Variants in LONP2 observed in about 807,000 individuals in gnomAD.
The protein encoded by LONP2 is lon peptidase 2, peroxisomal, also known as lon protease homolog 2, peroxisomal.
In LONP2, 60 loss-of-function variants were observed where a neutral mutation model predicts 85.6. The observed-to-expected ratio is 0.70, with a 90% CI of 0.57 to 0.87. The LOEUF is 0.87. Among genes scored for constraint, LONP2 ranks in the 40% least tolerant of loss-of-function variants. LONP2 has a pLI of 0.00. For synonymous variants in LONP2, 395 were observed against 389.7 expected (o/e 1.01, Z -0.16); for missense variants, 860 against 1,063.5 (o/e 0.81, Z 2.66).
rs1374014819 is a variant in LONP2 at position 48,352,007 on chromosome 16, TGTC to T, written c.*206_*208del. 22 of 583,102 alleles carry T rather than the reference TGTC, an allele frequency of 3.8e-5. No homozygotes were observed. The highest frequency in any genetic ancestry group is 4.5e-5 in the Non-Finnish European group (15 of 330,280). 36.1% of individuals were successfully genotyped at this position (583,102 alleles called of 1,614,324 possible). On this transcript the variant is annotated 3_prime_UTR_variant, in exon 15 of 15. Transcript: ENST00000285737. ...AGTAAACTGATAAAAATCGAATTCT[TGTC>T]TTTTTAGTGGGATCCTTACTGTCCC...
At chr16:48,336,017 G>A (rs1269442757) in intron 12 of LONP2, among the ~76,000 whole-genome samples, 2 of 152,184 alleles carry the variant, frequency 1.3e-5, no homozygotes, top group Non-Finnish European at 2.9e-5. Context: ...GACGCAAACA[G>A]GTTTTGACTC....
chr16:48,320,741 T>C (rs1402811844), intron 11 of LONP2, among the ~76,000 whole-genome samples: 1 of 152,194 alleles, frequency 6.6e-6, no homozygotes, highest in Non-Finnish European at 1.5e-5. Flanking sequence ...TTTACTGATT[T>C]ATCCCTCATC....
intron 9 of LONP2, 69 bp from the exon 10 acceptor site, chr16:48,299,593 A>AG: frequency 1.3e-6 from 2 of 1,538,150 alleles, no homozygotes; most frequent in Non-Finnish European, 1.8e-6. Context: ...AAAAAAAAAA[A>AG]CAAAAAACAA....
intron 11 of LONP2, among the ~76,000 whole-genome samples, chr16:48,307,647 G>T (rs935515329): frequency 6.6e-6 from 1 of 151,242 alleles, no homozygotes; most frequent in Non-Finnish European, 1.5e-5. Flanking sequence ...AAAGAACCTG[G>T]GTAGATACTA....
At chr16:48,347,775 G>C (rs984208850) in intron 13 of LONP2, 61 bp downstream of exon 13, 2 of 1,483,030 alleles carry the variant, frequency 1.3e-6, no homozygotes, top group Non-Finnish European at 1.8e-6. Context: ...CCATGGCGGA[G>C]ACTGGCATGA....
intron 11 of LONP2, among the ~76,000 whole-genome samples, chr16:48,330,068 C>T (rs1404450395): frequency 3.3e-5 from 5 of 152,368 alleles, no homozygotes; most frequent in African/African-American, 7.2e-5. Context: ...GTTTATACTT[C>T]TGTAAGCAAC....
chr16:48,291,273 T>C (rs1972552141), intron 8 of LONP2, among the ~76,000 whole-genome samples: 1 of 152,208 alleles, frequency 6.6e-6, no homozygotes, highest in Non-Finnish European at 1.5e-5. Flanking sequence ...TGAAGCAGAT[T>C]CCAGACATCA....
chr16:48,266,318 T>G (rs916495045), intron 6 of LONP2, among the ~76,000 whole-genome samples: 4 of 151,640 alleles, frequency 2.6e-5, no homozygotes, highest in African/African-American at 9.7e-5. Flanking sequence ...AATTTCTCTT[T>G]GGAGAAAGGT....
chr16:48,300,998 A>G (rs1972792743), intron 10 of LONP2, among the ~76,000 whole-genome samples: 1 of 152,162 alleles, frequency 6.6e-6, no homozygotes, highest in African/African-American at 2.4e-5. Flanking sequence ...TTTTATGTAT[A>G]CTTGTTAACT....
chr16:48,347,662 C>T lies in LONP2; in HGVS notation c.2094C>T (p.His698=). ...GGGACGTGATGAAGGAGTCCGCCCA[C>T]CTCGCTATCAGCTGGCTCCGCAGCA... ...QLGDVMKESA[H]LAISWLRSNA... is the part of the protein sequence containing the mutation. The change falls in exon 13 of 15, where the codon CAC becomes CAT. Residue 698 remains histidine (H), a synonymous_variant. Coordinates refer to ENST00000285737, the MANE Select transcript of LONP2 (RefSeq NM_031490.5). 1.2e-6 allele frequency: 2 copies of T among 1,614,206 alleles called. No homozygotes were observed. The highest frequency in any genetic ancestry group is 8.5e-7 in the Non-Finnish European group (1 of 1,180,034).
chr16:48,319,717 C>T (rs1973222234), intron 11 of LONP2, among the ~76,000 whole-genome samples: 3 of 152,144 alleles, frequency 2.0e-5, no homozygotes, highest in Admixed American at 6.5e-5. Context: ...GACAAAACTG[C>T]AGTCTTTTAT....
At chr16:48,309,287 C>T (rs1330224039) in intron 11 of LONP2, among the ~76,000 whole-genome samples, 4 of 152,158 alleles carry the variant, frequency 2.6e-5, no homozygotes, top group Non-Finnish European at 5.9e-5. Context: ...AGCAATCCCA[C>T]TACTGGGTAT....
chr16:48,275,144 G>A (rs1305831320), intron 7 of LONP2, among the ~76,000 whole-genome samples: 1 of 152,142 alleles, frequency 6.6e-6, no homozygotes, highest in Non-Finnish European at 1.5e-5. Context: ...TCACTGGAAA[G>A]CTCACTGTGT....
chr16:48,351,533 A>C, intron 14 of LONP2, 48 bp from the exon 15 acceptor site: 1 of 1,470,264 alleles, frequency 6.8e-7, no homozygotes. Flanking sequence ...GGTTTCTTTC[A>C]GCTTGAGGGT....
chr16:48,249,294 T>C (rs796908381), intron 1 of LONP2, among the ~76,000 whole-genome samples: 9 of 152,292 alleles, frequency 5.9e-5, no homozygotes, highest in African/African-American at 2.2e-4. Flanking sequence ...ATGTATAAGT[T>C]TGGATCTGTT....
chr16:48,291,152 T>C (rs1972550419), intron 8 of LONP2, among the ~76,000 whole-genome samples: 1 of 152,150 alleles, frequency 6.6e-6, no homozygotes, highest in Non-Finnish European at 1.5e-5. Flanking sequence ...ATTTCAACCA[T>C]AGCAAAAGCA....
intron 8 of LONP2, among the ~76,000 whole-genome samples, chr16:48,283,665 C>T (rs1450434149): frequency 1.3e-5 from 2 of 152,142 alleles, no homozygotes; most frequent in Non-Finnish European, 2.9e-5. Flanking sequence ...TATTACTGCT[C>T]GTTGTCAATG....
chr16:48,306,374 C>T (rs1972911741), intron 11 of LONP2, among the ~76,000 whole-genome samples: 1 of 151,938 alleles, frequency 6.6e-6, no homozygotes, highest in African/African-American at 2.4e-5. Flanking sequence ...TTAAAATAAC[C>T]CACAAATACT....
chr16:48,303,323 G>A lies in LONP2; in HGVS notation c.1795+18G>A. The stretch of plus-strand genomic sequence containing the variant: ...GAGAGAAGGTTGGTGACCTTGTTCT[G>A]GCATTCTCAGGCCTGGTGGCTAGGA... On this transcript the variant is annotated intron_variant, in intron 11 of 14. Transcript: ENST00000285737. 1 of 1,609,700 alleles carries A rather than the reference G, an allele frequency of 6.2e-7. No individual in the cohort carries two copies. The highest frequency in any genetic ancestry group is 8.5e-7 in the Non-Finnish European group (1 of 1,176,392).
Sources: allele counts gnomAD v4.1 joint callset (sites outside exome capture counted in the v4.1 genomes callset), GRCh38; gene constraint gnomAD v4.1.1; transcripts MANE v1.5; gene names NCBI Gene and HGNC (gene_info 2026-07-23, HGNC 2026-07-21).